FECH: variants seen among roughly 807,000 people sequenced by gnomAD.
FECH encodes the protein ferrochelatase.
Under a neutral mutation model 56.9 loss-of-function variants are expected in FECH, and 40 were observed. The ratio of observed to expected loss-of-function variants is 0.70; its 90% CI spans 0.55 to 0.92. The LOEUF is 0.92. Among genes scored for constraint, FECH ranks in the 40% least tolerant of loss-of-function variants. FECH has a pLI of 0.00. For synonymous variants in FECH, 175 were observed against 198.6 expected, an observed-to-expected ratio of 0.88 and a Z score of 1.00; for missense variants, 431 against 529.1, an observed-to-expected ratio of 0.81 and a Z score of 1.82.
chr18:57,583,919 T>C (rs317811), intron 1 of FECH, among the ~76,000 whole-genome samples: 109,761 of 151,938 alleles, frequency 0.72, 40,016 homozygotes, highest in East Asian at 0.99. Context: ...CAGTGGCTCA[T>C]GCCTGTAATC....
At chr18:57,555,177 G>A (rs2050852852) in intron 7 of FECH, among the ~76,000 whole-genome samples, 1 of 152,126 alleles carries the variant, frequency 6.6e-6, no homozygotes, top group Non-Finnish European at 1.5e-5. Context: ...TCCCTAAGAG[G>A]GTGGAGAATT....
At chr18:57,563,476 A>C (rs1568147202) in intron 5 of FECH, among the ~76,000 whole-genome samples, 2 of 143,504 alleles carry the variant, frequency 1.4e-5, no homozygotes, top group Non-Finnish European at 3.0e-5. Flanking sequence ...GCTACTCAGG[A>C]GGCTGAGGTA....
intron 6 of FECH, among the ~76,000 whole-genome samples, chr18:57,561,493 G>A (rs2050942655): frequency 6.6e-6 from 1 of 152,042 alleles, no homozygotes; most frequent in Non-Finnish European, 1.5e-5. Flanking sequence ...ACCCATCTGC[G>A]GTATTTTCTA....
At chr18:57,552,941 T>C (rs1437763906) in intron 9 of FECH, among the ~76,000 whole-genome samples, 1 of 152,138 alleles carries the variant, frequency 6.6e-6, no homozygotes, top group Non-Finnish European at 1.5e-5. Flanking sequence ...TGTGCACCTG[T>C]AGTCCCAGCT....
rs2050789359 is a variant in FECH, at chr18:57,550,906, G to A, written c.1138-60C>T. On this transcript the variant is annotated intron_variant, in intron 10 of 10. Transcript: ENST00000262093. ...AGCACAGGGTCTGCTCGTCTGCCAT[G>A]CCCCCTCCTCCAGCTGCCCAGGTCA... is the stretch of plus-strand genomic sequence containing the variant. The A allele has an allele frequency of 5.6e-6, 9 of 1,607,962 alleles. No individual in the cohort carries two copies. In the South Asian group the frequency reaches 9.9e-5, roughly 18 times the overall value.
chr18:57,547,512 C>A lies in FECH; in HGVS notation c.*3200G>T, dbSNP rs1439995988. On this transcript the variant is annotated 3_prime_UTR_variant, in exon 11 of 11. Transcript: ENST00000262093. ...CCCCTTTGCTTGCTCTCACTCACTG[C>A]CATGTAAGACATCTGCTTCCCCTTC... Among the ~76,000 whole-genome samples the A allele has an allele frequency of 6.6e-6, 1 of 152,172 alleles. No homozygotes were observed. The highest frequency in any genetic ancestry group is 2.4e-5 in the African/African-American group (1 of 41,436).
intron 2 of FECH, among the ~76,000 whole-genome samples, chr18:57,579,289 A>ATATGTGTG (rs1555681607): frequency 1.4e-5 from 2 of 141,920 alleles, no homozygotes; most frequent in Non-Finnish European, 3.0e-5. Context: ...GTGTGTATAT[A>ATATGTGTG]TGTGTGTGTG....
chr18:57,551,535 A>T (rs1325976040), intron 9 of FECH, among the ~76,000 whole-genome samples, 161 bp from the exon 10 acceptor site: 1 of 152,210 alleles, frequency 6.6e-6, no homozygotes. Context: ...AAAAATACTC[A>T]TGGGGCAGGG....
rs960142432 is a variant in FECH, at chr18:57,555,408, A to G, written c.805-456T>C. ...ATTTATGGTAAACCCTGGTGGAATT[A>G]GAGGAGGAAAGCAGCAGCACATCAC... is the stretch of plus-strand genomic sequence containing the variant. On this transcript the variant is annotated intron_variant, in intron 7 of 10. Transcript: ENST00000262093. 1.1e-4 allele frequency among the ~76,000 whole-genome samples: 17 copies of G among 152,334 alleles called. No individual in the cohort carries two copies. The East Asian group carries it at 3.3e-3, about 29-fold the overall frequency.
chr18:57,582,433 C>T (rs2051295267), intron 1 of FECH, among the ~76,000 whole-genome samples: 1 of 152,006 alleles, frequency 6.6e-6, no homozygotes, highest in South Asian at 2.1e-4. Context: ...GGTACTCAAC[C>T]TGTAATAAAA....
Position 57,547,481 on chromosome 18 carries a change from G to A in FECH, c.*3231C>T, listed in dbSNP as rs2122226744. 6.6e-6 allele frequency among the ~76,000 whole-genome samples: 1 copy of A among 152,218 alleles called. No individual in the cohort carries two copies. The highest frequency in any genetic ancestry group is 2.1e-4 in the South Asian group (1 of 4,816). On this transcript the variant is annotated 3_prime_UTR_variant, in exon 11 of 11. Transcript: ENST00000262093. ...CGAGATCTGATGGTTTTATAAGGGG[G>A]CTCTTCCCCTTTGCTTGCTCTCACT...
At position 57,568,786 on chromosome 18, in the gene FECH, T is replaced by C. The variant is rs1031634601; in HGVS notation, c.464-2205A>G. Reference sequence around the variant, plus strand: ...CATGTACAATAGTTCAAATGTCCGATTTGTACATGATTTTTTGAAAGAAAA... The same window carrying C: ...CATGTACAATAGTTCAAATGTCCGACTTGTACATGATTTTTTGAAAGAAAA... On this transcript the variant is annotated intron_variant, in intron 4 of 10. Transcript: ENST00000262093. 2.6e-5 allele frequency among the ~76,000 whole-genome samples: 4 copies of C among 152,244 alleles called. 1 individual carries two copies. The highest frequency in any genetic ancestry group is 2.6e-4 in the Admixed American group (4 of 15,290).
intron 7 of FECH, among the ~76,000 whole-genome samples, chr18:57,557,157 T>C (rs1370602423): frequency 6.6e-6 from 1 of 152,202 alleles, no homozygotes; most frequent in Non-Finnish European, 1.5e-5. Context: ...ACAGTGGTTG[T>C]GTAAGATGTT....
intron 2 of FECH, 90 bp downstream of exon 2, chr18:57,579,983 C>T: frequency 6.3e-7 from 1 of 1,578,432 alleles, no homozygotes; most frequent in Non-Finnish European, 8.7e-7. Context: ...CTGGCTTTTC[C>T]CAGCACCTTT....
At chr18:57,566,877 G>A (rs1422514671) in intron 4 of FECH, among the ~76,000 whole-genome samples, 4 of 152,008 alleles carry the variant, frequency 2.6e-5, no homozygotes, top group Admixed American at 6.6e-5. Flanking sequence ...GCATAAGAGA[G>A]CCTCAAGAGA....
rs968159896 is a variant in FECH, at chr18:57,546,547, CTTAAG to C, written c.*4160_*4164del. Among the ~76,000 whole-genome samples the C allele has an allele frequency of 1.6e-4, 24 of 152,272 alleles. No individual in the cohort carries two copies. Among genetic ancestry groups the C allele is most frequent in the African/African-American group, 5.5e-4 (23 of 41,554 alleles). On this transcript the variant is annotated 3_prime_UTR_variant, in exon 11 of 11. Coordinates refer to ENST00000262093, the MANE Select transcript of FECH (RefSeq NM_000140.5). ...TGAGCAAAGGATCTCTTTTACATGC[CTTAAG>C]TTATGGTTTCTTGAATTAAATATGG...
intron 2 of FECH, 95 bp from the exon 3 acceptor site, chr18:57,573,460 A>G: frequency 2.1e-6 from 3 of 1,431,970 alleles, no homozygotes; most frequent in Non-Finnish European, 2.0e-6. Flanking sequence ...AATCTGTTCC[A>G]TACAAAGGTA....
intron 4 of FECH, among the ~76,000 whole-genome samples, chr18:57,569,275 T>C (rs1283804913): frequency 6.6e-6 from 1 of 152,228 alleles, no homozygotes; most frequent in African/African-American, 2.4e-5. Flanking sequence ...CATGAAACCA[T>C]TTCCTGATAT....
At chr18:57,573,525 T>A (rs2051144632) in intron 2 of FECH, among the ~76,000 whole-genome samples, 160 bp from the exon 3 acceptor site, 1 of 152,236 alleles carries the variant, frequency 6.6e-6, no homozygotes, top group Non-Finnish European at 1.5e-5. Context: ...GGGACATCTG[T>A]GGCCTCCAGT....
Sources: gnomAD v4.1 joint callset for allele counts (sites outside exome capture counted in the v4.1 genomes callset) on GRCh38, gnomAD v4.1.1 for gene constraint, MANE v1.5 for transcripts, NCBI Gene and HGNC (gene_info 2026-07-23, HGNC 2026-07-21) for gene names.